Variants in TMEM131 observed in about 807,000 individuals in gnomAD.
TMEM131 encodes 2610524E03Rik.
In TMEM131, 66 loss-of-function variants were observed where a neutral mutation model predicts 211.6. The ratio of observed to expected loss-of-function variants is 0.31; its 90% CI spans 0.26 to 0.38. The LOEUF (loss-of-function observed/expected upper bound fraction) is 0.38, where lower values mean the gene tolerates loss of function less well. TMEM131 is among the 10% of genes least tolerant of loss of function. The probability of loss-of-function intolerance (pLI) is 1.00; values close to 1 mark genes in which losing one functional copy is unlikely to be tolerated. For missense variants in TMEM131, 2,036 were observed against 2,299.3 expected (o/e 0.89, Z 2.34); for synonymous variants, 844 against 841.3 (o/e 1.00, Z -0.06).
chr2:97,892,946 G>C (rs983696584), intron 3 of TMEM131, among the ~76,000 whole-genome samples: 1 of 151,968 alleles, frequency 6.6e-6, no homozygotes, highest in African/African-American at 2.4e-5. Flanking sequence ...TGTGCAGAAC[G>C]TGAAGTTTTG....
intron 4 of TMEM131, among the ~76,000 whole-genome samples, chr2:97,871,045 T>C (rs947052570): frequency 6.6e-6 from 1 of 152,238 alleles, no homozygotes. Context: ...CATCTATTTT[T>C]AGCAATAGTC....
In TMEM131 at chr2:97,841,860, G is replaced by A; in HGVS notation, c.678C>T (p.Phe226=). The A allele has an allele frequency of 6.3e-7, 1 of 1,596,232 alleles. No homozygotes were observed. The highest frequency in any genetic ancestry group is 8.5e-7 in the Non-Finnish European group (1 of 1,170,146). ...LGARVPVNSS[F]SPIINIHNPH... ...GATTGTGGATGTTTATTATAGGTGA[G>A]AAACTGCTATTCACAGGGACTCTGG... Residue 226 remains phenylalanine, a synonymous_variant, in exon 7 of 41, where the codon TTC becomes TTT. Transcript: ENST00000186436.
At chr2:97,802,215 T>C (rs551828661) in intron 24 of TMEM131, among the ~76,000 whole-genome samples, 1 of 152,340 alleles carries the variant, frequency 6.6e-6, no homozygotes, top group Admixed American at 6.5e-5. Context: ...GGGAGTTCCA[T>C]ATTACTTTTT....
At chr2:97,846,469 G>A (rs1683435533) in intron 5 of TMEM131, among the ~76,000 whole-genome samples, 5 of 152,098 alleles carry the variant, frequency 3.3e-5, no homozygotes. Flanking sequence ...CATATAATTT[G>A]ACAAAATTGA....
At chr2:97,840,002 C>T (rs1476883690) in intron 7 of TMEM131, among the ~76,000 whole-genome samples, 3 of 152,142 alleles carry the variant, frequency 2.0e-5, no homozygotes, top group Admixed American at 6.5e-5. Flanking sequence ...AATCAACAAA[C>T]GATATACATT....
chr2:97,809,624 A>G, intron 19 of TMEM131, 64 bp downstream of exon 19: 1 of 1,099,256 alleles, frequency 9.1e-7, no homozygotes, highest in Non-Finnish European at 1.4e-6. Context: ...GATTCTAGGA[A>G]CACAGAGCTA....
intron 2 of TMEM131, among the ~76,000 whole-genome samples, chr2:97,922,128 G>A (rs1445611304): frequency 2.0e-5 from 3 of 152,188 alleles, no homozygotes; most frequent in Non-Finnish European, 4.4e-5. Context: ...GAAATCATCA[G>A]GCACTAGTTA....
At chr2:97,869,353 G>A (rs922836122) in intron 4 of TMEM131, among the ~76,000 whole-genome samples, 2 of 152,238 alleles carry the variant, frequency 1.3e-5, no homozygotes, top group South Asian at 2.1e-4. Flanking sequence ...AGTGCTAGGA[G>A]CCTGGAAGCA....
rs762924619 is a variant in TMEM131 at position 97,796,826 on chromosome 2, A to T, written c.3013+18T>A. The T allele has an allele frequency of 1.9e-6, 3 of 1,605,136 alleles. No homozygotes were observed. The Admixed American group carries it at 5.2e-5, about 28-fold the overall frequency. On this transcript the variant is annotated intron_variant, in intron 27 of 40. Coordinates refer to ENST00000186436, the MANE Select transcript of TMEM131 (RefSeq NM_015348.2). ...AAATGCTGAAATTAGTGTCCTTGAA[A>T]CTGTTAGGAAGACTTACTATCTGTA... is the stretch of plus-strand genomic sequence containing the variant.
At chr2:97,881,388 T>C (rs547130457) in intron 4 of TMEM131, among the ~76,000 whole-genome samples, 1 of 152,030 alleles carries the variant, frequency 6.6e-6, no homozygotes, top group African/African-American at 2.4e-5. Flanking sequence ...TAAAATTTTT[T>C]GTAGGGATTG....
intron 22 of TMEM131, among the ~76,000 whole-genome samples, chr2:97,803,663 C>A (rs746597770): frequency 9.9e-5 from 15 of 152,254 alleles, no homozygotes; most frequent in South Asian, 2.1e-4. Context: ...CAAAGTAACA[C>A]AAAGGCAGGA....
At chr2:97,914,924 C>T (rs539110329) in intron 2 of TMEM131, among the ~76,000 whole-genome samples, 1 of 152,164 alleles carries the variant, frequency 6.6e-6, no homozygotes, top group Non-Finnish European at 1.5e-5. Context: ...TTATAGTAAC[C>T]ACATGTTTAG....
intron 1 of TMEM131, among the ~76,000 whole-genome samples, chr2:97,949,888 C>A (rs533002497): frequency 6.0e-5 from 9 of 148,782 alleles, no homozygotes; most frequent in Non-Finnish European, 7.4e-5. Context: ...CTTTTGGTTA[C>A]TTTTATACAA....
At chr2:97,798,363 A>G (rs1680869082) in intron 25 of TMEM131, among the ~76,000 whole-genome samples, 1 of 152,220 alleles carries the variant, frequency 6.6e-6, no homozygotes, top group Non-Finnish European at 1.5e-5. Context: ...CCAGTTCTTC[A>G]TGGCTTCTGC....
intron 1 of TMEM131, among the ~76,000 whole-genome samples, chr2:97,992,289 G>A (rs1680301905): frequency 6.6e-6 from 1 of 152,134 alleles, no homozygotes; most frequent in South Asian, 2.1e-4. Flanking sequence ...TTTTCTTGTG[G>A]TCTTTAGTCC....
chr2:97,977,011 A>C (rs918842252), intron 1 of TMEM131, among the ~76,000 whole-genome samples: 1 of 151,998 alleles, frequency 6.6e-6, no homozygotes, highest in African/African-American at 2.4e-5. Context: ...TCATATGTAA[A>C]ATGAACTCAA....
chr2:97,809,356 T>C (rs1681448147), intron 19 of TMEM131, among the ~76,000 whole-genome samples: 1 of 152,158 alleles, frequency 6.6e-6, no homozygotes, highest in Admixed American at 6.5e-5. Flanking sequence ...CTTCTCCATC[T>C]CTGTTGGAAG....
chr2:97,921,686 T>C (rs776921231), intron 2 of TMEM131, among the ~76,000 whole-genome samples: 8 of 152,026 alleles, frequency 5.3e-5, no homozygotes, highest in African/African-American at 1.7e-4. Context: ...TCAGAACTTA[T>C]AAAGAACCTC....
At chr2:97,775,425 T>C (rs1679677880) in intron 32 of TMEM131, among the ~76,000 whole-genome samples, 1 of 152,182 alleles carries the variant, frequency 6.6e-6, no homozygotes, top group African/African-American at 2.4e-5. Context: ...TTCCAGCAGG[T>C]GCTAGGAGCA....
Sources: allele counts gnomAD v4.1 joint callset (sites outside exome capture counted in the v4.1 genomes callset), GRCh38; gene constraint gnomAD v4.1.1; transcripts MANE v1.5; gene names NCBI Gene and HGNC (gene_info 2026-07-23, HGNC 2026-07-21).